AADACL3: variants seen among roughly 807,000 people sequenced by gnomAD.
The protein encoded by AADACL3 is arylacetamide deacetylase-like 3.
AADACL3 carries 13 observed loss-of-function variants against 13.6 expected under a neutral mutation model. The ratio of observed to expected loss-of-function variants is 0.95; its 90% confidence interval spans 0.62 to 1.52. The LOEUF is 1.52. AADACL3 is among the 40% of genes most tolerant of loss of function. AADACL3 has a pLI of 0.00. For synonymous variants in AADACL3, 195 were observed against 197.0 expected, an observed-to-expected ratio of 0.99 and a Z score of 0.08; for missense variants, 519 against 499.2, an observed-to-expected ratio of 1.04 and a Z score of -0.38.
At chr1:12,716,943 G>C (rs1648449910) in intron 1 of AADACL3, among the ~76,000 whole-genome samples, 1 of 152,158 alleles carries the variant, frequency 6.6e-6, no homozygotes, top group African/African-American at 2.4e-5. Context: ...ATATGTTGTT[G>C]CTTTTGAGAG....
intron 1 of AADACL3, among the ~76,000 whole-genome samples, chr1:12,717,119 T>C (rs1648454497): frequency 6.6e-6 from 1 of 152,212 alleles, no homozygotes; most frequent in African/African-American, 2.4e-5. Flanking sequence ...GTTTCTTACA[T>C]AACGAAAAGC....
intron 3 of AADACL3, among the ~76,000 whole-genome samples, chr1:12,723,259 AAT>A (rs1188897129): frequency 2.6e-5 from 4 of 152,148 alleles, no homozygotes; most frequent in African/African-American, 9.7e-5. Context: ...GATTAAAAAA[AAT>A]AATAATTATT....
intron 1 of AADACL3, among the ~76,000 whole-genome samples, chr1:12,716,604 G>T (rs748824431): frequency 6.6e-6 from 1 of 152,196 alleles, no homozygotes; most frequent in Non-Finnish European, 1.5e-5. Flanking sequence ...GAAAAAACCA[G>T]TCTGGTTCTA....
chr1:12,725,478 C>A lies in AADACL3; in HGVS notation c.706C>A (p.Gln236Lys), dbSNP rs767595129. 1 of 1,613,978 alleles carries A rather than the reference C, an allele frequency of 6.2e-7. No homozygotes were observed. Among genetic ancestry groups the A allele is most frequent in the African/African-American group, 1.3e-5 (1 of 75,016 alleles). The change falls in exon 4 of 4, where the codon CAA (glutamine) becomes AAA (lysine). Residue 236 changes from glutamine to lysine, a missense_variant. Transcript: ENST00000359318. ...CCTGGATTTACAAACCCCTTCGTTT[C>A]AACAGAGGAAAAACATCCCACTGCT... ...QALDLQTPSF[Q>K]QRKNIPLLTW...
At chr1:12,718,622 G>T (rs1456906237) in intron 1 of AADACL3, among the ~76,000 whole-genome samples, 1 of 151,932 alleles carries the variant, frequency 6.6e-6, no homozygotes, top group Non-Finnish European at 1.5e-5. Context: ...TCAGCCTCTC[G>T]AGTAGCCGGG....
intron 1 of AADACL3, 89 bp from the exon 2 acceptor site, chr1:12,719,386 C>T (rs1648514981): frequency 1.6e-6 from 2 of 1,280,228 alleles, no homozygotes; most frequent in South Asian, 1.2e-5. Context: ...CTCCTTTTGC[C>T]ACCTGTGGAG....
At chr1:12,719,787 T>C in intron 2 of AADACL3, 96 bp downstream of exon 2, 1 of 1,285,516 alleles carries the variant, frequency 7.8e-7, no homozygotes, top group Non-Finnish European at 1.1e-6. Flanking sequence ...AGTATGCTAT[T>C]ATTATCAGGG....
chr1:12,724,969 ATT>A (rs5772495), intron 3 of AADACL3, among the ~76,000 whole-genome samples: 19,609 of 152,064 alleles, frequency 0.13, 2,205 homozygotes, highest in African/African-American at 0.31. Flanking sequence ...TGTGGGTGAT[ATT>A]TACATTGTTG....
chr1:12,725,521 G>A lies in AADACL3; in HGVS notation c.749G>A (p.Cys250Tyr), dbSNP rs1278568792. The change falls in exon 4 of 4, where the codon TGC (cysteine) becomes TAC (tyrosine). Residue 250 changes from cysteine (C) to tyrosine (Y), a missense_variant. Physicochemically the swap from Cys to Tyr is radical, Grantham distance 194. Transcript: ENST00000359318. ...CCACTGCTCACCTGGAGTTTCATCT[G>A]CTACTTTTTTTTTCAAAACCTGGAT... Reference protein sequence around the residue: ...NIPLLTWSFICYFFFQNLDFS... With the variant: ...NIPLLTWSFIYYFFFQNLDFS... 9 of 1,613,966 alleles carry A rather than the reference G, an allele frequency of 5.6e-6. No individual in the cohort carries two copies. The highest frequency in any genetic ancestry group is 1.6e-4 in the Middle Eastern group (1 of 6,084).
At chr1:12,718,662 G>C (rs767200305) in intron 1 of AADACL3, among the ~76,000 whole-genome samples, 1 of 151,966 alleles carries the variant, frequency 6.6e-6, no homozygotes, top group Admixed American at 6.6e-5. Context: ...ACACCCACCC[G>C]GCTAATTTTT....
In AADACL3 at chr1:12,719,696, G is replaced by A. The variant is rs765584134; in HGVS notation, c.385+5G>A. ...GGGGCGTCATGGGGAGTTTGAGTAA[G>A]AACCATTTTCTCAGACCTCCTAAAG... On this transcript the variant is annotated splice_donor_5th_base_variant and intron_variant, in intron 2 of 3. Transcript: ENST00000359318. The A allele has an allele frequency of 3.7e-6, 6 of 1,612,982 alleles. No individual in the cohort carries two copies. Among genetic ancestry groups the A allele is most frequent in the Non-Finnish European group, 5.1e-6 (6 of 1,179,360 alleles).
chr1:12,723,877 G>A (rs1638313716), intron 3 of AADACL3, among the ~76,000 whole-genome samples: 1 of 73,814 alleles, frequency 1.4e-5, no homozygotes, highest in Non-Finnish European at 2.8e-5. Context: ...TCTGCCTCCT[G>A]GGTTCAAGGG....
rs1264957798 is a variant in AADACL3, at chr1:12,725,258, A to G, written c.486A>G (p.Pro162=). 1.1e-5 allele frequency: 18 copies of G among 1,611,642 alleles called. No individual in the cohort carries two copies. Among genetic ancestry groups the G allele is most frequent in the Non-Finnish European group, 1.4e-5 (17 of 1,179,204 alleles). Residue 162 remains proline (P), a synonymous_variant, in exon 4 of 4, where the codon CCA becomes CCG. Coordinates refer to ENST00000359318, the MANE Select transcript of AADACL3 (RefSeq NM_001103170.3). ...RKLPKHKFPV[P]VRDCLVATIH... ...TACCTAAGCATAAGTTTCCAGTGCC[A>G]GTAAGAGACTGCTTGGTGGCCACCA...
Position 12,725,792 on chromosome 1 carries a change from C to A in AADACL3, c.1020C>A (p.Cys340Ter). ...DDIVSQLPET[C>*]IVSCEYDALR... Reference sequence around the variant, plus strand: ...TAGTGTCTCAGCTCCCGGAAACCTGCATCGTGAGCTGTGAGTATGATGCTC... The same window carrying A: ...TAGTGTCTCAGCTCCCGGAAACCTGAATCGTGAGCTGTGAGTATGATGCTC... The change falls in exon 4 of 4, where the codon TGC becomes TGA. Residue 340 changes from cysteine to a stop codon, truncating the protein, a stop_gained. Coordinates refer to ENST00000359318, the MANE Select transcript of AADACL3 (RefSeq NM_001103170.3). LOFTEE classifies it low-confidence loss of function (END_TRUNC). 1 of 1,614,188 alleles carries A rather than the reference C, an allele frequency of 6.2e-7. No homozygotes were observed. The highest frequency in any genetic ancestry group is 1.6e-4 in the Middle Eastern group (1 of 6,062).
At position 12,716,249 on chromosome 1, in the gene AADACL3, T is replaced by TGCAGCCATTTTTTCACTGTGC. The variant is rs1648429708; in HGVS notation, c.74_94dup (p.Val31_His32insArgSerHisPhePheThrVal). 6.5e-7 allele frequency: 1 copy of TGCAGCCATTTTTTCACTGTGC among 1,544,872 alleles called. No homozygotes were observed. On this transcript the variant is annotated inframe_insertion, in exon 1 of 4. Transcript: ENST00000359318. ...ACTAGGGGTCACTCTGTGGGTCATT[T>TGCAGCCATTTTTTCACTGTGC]GCAGCCATTTTTTCACTGTGCACAT...
Position 12,721,007 on chromosome 1 carries a change from G to A in AADACL3, c.449+61G>A. On this transcript the variant is annotated intron_variant, in intron 3 of 3. Coordinates refer to ENST00000359318, the MANE Select transcript of AADACL3 (RefSeq NM_001103170.3). ...AGCAAGGCTCTGATGTGGAGAGATG[G>A]GGTGAGAAGTAGAAATGGGGGTGGG... 4.2e-6 allele frequency: 3 copies of A among 716,700 alleles called. No individual in the cohort carries two copies. The South Asian group carries it at 5.1e-5, about 12-fold the overall frequency. The allele number at this position is 716,700 out of a possible 1,614,324, so 44.4% of individuals were successfully genotyped here.
chr1:12,722,788 T>C (rs988938262), intron 3 of AADACL3, among the ~76,000 whole-genome samples: 2 of 151,966 alleles, frequency 1.3e-5, no homozygotes, highest in African/African-American at 2.4e-5. Flanking sequence ...AGGGCAGCCA[T>C]GGTGTTGAGT....
Position 12,719,755 on chromosome 1 carries a change from T to C in AADACL3, c.385+64T>C, listed in dbSNP as rs1330172335. 1.7e-5 allele frequency: 25 copies of C among 1,461,104 alleles called. No individual in the cohort carries two copies. In the East Asian group the frequency reaches 4.5e-4, roughly 27 times the overall value. 90.5% of individuals were successfully genotyped at this position (1,461,104 alleles called of 1,614,324 possible). ...CACCCCTTAACATAACTTGGAAGAA[T>C]GGGCATCTTCCTGGGACTTAAAGTA... On this transcript the variant is annotated intron_variant, in intron 2 of 3. Transcript: ENST00000359318.
chr1:12,719,661 C>A lies in AADACL3; in HGVS notation c.355C>A (p.His119Asn), dbSNP rs1342490160. The A allele has an allele frequency of 1.2e-6, 2 of 1,614,010 alleles. No individual in the cohort carries two copies. Among genetic ancestry groups the A allele is most frequent in the Non-Finnish European group, 1.7e-6 (2 of 1,180,018 alleles). ...CCTGAAGCCTGGCATCGTGTACTAC[C>A]ACGGTGGCGGGGGCGTCATGGGGAG... is the stretch of plus-strand genomic sequence containing the variant. ...CTLKPGIVYY[H>N]GGGGVMGSLK... The change falls in exon 2 of 4, where the codon CAC becomes AAC. Residue 119 changes from histidine to asparagine, a missense_variant. By Grantham distance (68) the His-to-Asn change is moderately conservative. Transcript: ENST00000359318.
Sources: allele counts gnomAD v4.1 joint callset (sites outside exome capture counted in the v4.1 genomes callset), GRCh38; gene constraint gnomAD v4.1.1; transcripts MANE v1.5; gene names NCBI Gene and HGNC (gene_info 2026-07-23, HGNC 2026-07-21).